The following HERC2 variants were observed in gnomAD, a reference collection of about 807,000 sequenced individuals.
HERC2 encodes the protein HECT and RLD domain containing E3 ubiquitin protein ligase 2.
HERC2 carries 102 observed loss-of-function variants against 537.7 expected under a neutral mutation model. The observed-to-expected ratio is 0.19, with a 90% CI of 0.16 to 0.22. The LOEUF is 0.22. HERC2 is among the 10% of genes least tolerant of loss of function. The pLI is 1.00. For missense variants in HERC2, 4,236 were observed against 6,198.2 expected (o/e 0.68, Z 10.63); for synonymous variants, 2,224 against 2,466.2 (o/e 0.90, Z 2.91).
At chr15:28,217,018 G>A (rs1432484105) in intron 38 of HERC2, among the ~76,000 whole-genome samples, 2 of 151,866 alleles carry the variant, frequency 1.3e-5, no homozygotes, top group Non-Finnish European at 2.9e-5. Flanking sequence ...TCACTCACAC[G>A]CATTCACAAT....
At chr15:28,288,049 C>T (rs1180385675) in intron 4 of HERC2, among the ~76,000 whole-genome samples, 2 of 152,018 alleles carry the variant, frequency 1.3e-5, no homozygotes, top group South Asian at 2.1e-4. Flanking sequence ...ACATGAGAGG[C>T]CCAAGGTGAG....
chr15:28,235,127 C>T (rs551526850), intron 26 of HERC2, among the ~76,000 whole-genome samples: 50 of 151,934 alleles, frequency 3.3e-4, no homozygotes, highest in African/African-American at 1.1e-3. Flanking sequence ...GCAATCAAAG[C>T]GGGATGCACT....
chr15:28,112,129 T>C (rs1887709453), intron 92 of HERC2, 94 bp from the exon 93 acceptor site: 1 of 1,265,218 alleles, frequency 7.9e-7, no homozygotes, highest in Admixed American at 2.1e-5. Context: ...CAAAACCATA[T>C]TTTTTGCTAA....
chr15:28,135,573 G>A lies in HERC2; in HGVS notation c.12135C>T (p.Asn4045=), dbSNP rs766356166. 5.6e-6 allele frequency: 9 copies of A among 1,614,166 alleles called. No homozygotes were observed. The Admixed American group carries it at 1.5e-4, about 27-fold the overall frequency. Residue 4045 remains asparagine, a synonymous_variant, in exon 79 of 93, where the codon AAC becomes AAT. Coordinates refer to ENST00000261609, the MANE Select transcript of HERC2 (RefSeq NM_004667.6). ...QHVFIKKVAV[N]SGGKHCLALS... ...GGGCAAGGCAGTGCTTTCCTCCAGA[G>A]TTCACAGCTACTTTCTTAATAAACA... is the stretch of plus-strand genomic sequence containing the variant.
At chr15:28,257,430 T>C (rs1246555727) in intron 16 of HERC2, among the ~76,000 whole-genome samples, 169 bp from the exon 17 acceptor site, 1 of 148,838 alleles carries the variant, frequency 6.7e-6, no homozygotes, top group African/African-American at 2.6e-5. Flanking sequence ...ACTATCAGCT[T>C]CCGATTTTCC....
intron 38 of HERC2, among the ~76,000 whole-genome samples, chr15:28,216,313 A>ATT (rs201840469): frequency 8.8e-4 from 130 of 147,880 alleles, no homozygotes; most frequent in African/African-American, 2.7e-3. Context: ...CCACTTAAAT[A>ATT]TTTTTTTTTT....
rs1482098746 is a variant in HERC2, at chr15:28,115,333, G to A, written c.13722+96C>T. On this transcript the variant is annotated intron_variant, in intron 89 of 92. Transcript: ENST00000261609. ...AGCCTCTGCGTCACCTGGGCACTGA[G>A]ATTAGGCCAGAGTTCACAGCCTGAC... The A allele has an allele frequency of 8.6e-6, 6 of 699,156 alleles. No homozygotes were observed. The Admixed American group carries it at 1.1e-4, about 13-fold the overall frequency. The allele number at this position is 699,156 out of a possible 1,614,324, so 43.3% of individuals were successfully genotyped here.
rs899060010 is a variant in HERC2 at position 28,113,918 on chromosome 15, C to G, written c.13914-240G>C. Among the ~76,000 whole-genome samples the G allele has an allele frequency of 2.0e-5, 3 of 152,184 alleles. No homozygotes were observed. The highest frequency in any genetic ancestry group is 1.3e-4 in the Admixed American group (2 of 15,288). On this transcript the variant is annotated intron_variant, in intron 90 of 92. Transcript: ENST00000261609. This position sits in a 1 kb window ranked among gnomAD's most constrained non-coding sequence, Gnocchi z 7.0. ...TAATGACCACCTACAGCTATGCACA[C>G]CCCAAGACGCCACTCTCAGTACCCA...
intron 52 of HERC2, among the ~76,000 whole-genome samples, chr15:28,194,567 G>C (rs574674725): frequency 6.6e-6 from 1 of 151,366 alleles, no homozygotes; most frequent in Admixed American, 6.6e-5. Context: ...GCGAGACTCC[G>C]TCTCAAAAAA....
At position 28,214,752 on chromosome 15, in the gene HERC2, G is replaced by T; in HGVS notation, c.6261C>A (p.Thr2087=). The change falls in exon 40 of 93, where the codon ACC becomes ACA. Residue 2087 remains threonine, a synonymous_variant. Coordinates refer to ENST00000261609, the MANE Select transcript of HERC2 (RefSeq NM_004667.6). The part of the protein sequence containing the change: ...LQAVLPSWDK[T]ERARDMKCLV... The stretch of plus-strand genomic sequence containing the variant: ...GGCATTTCATGTCCCTCGCCCTTTC[G>T]GTCTTGTCCCATGATGGAAGGACTG... The T allele has an allele frequency of 6.2e-7, 1 of 1,611,570 alleles. No individual in the cohort carries two copies. Among genetic ancestry groups the T allele is most frequent in the Non-Finnish European group, 8.5e-7 (1 of 1,179,500 alleles).
chr15:28,233,490 T>C lies in HERC2; in HGVS notation c.4423A>G (p.Lys1475Glu), dbSNP rs764684477. The stretch of plus-strand genomic sequence containing the variant: ...ACTCTACAAACATCCACCACTGACT[T>C]AGGCAACGTTCTGTGCTTTACTTGC... ...IEQVKHRTLPKSVVDVCRVVY... is the reference protein window; with the variant it reads ...IEQVKHRTLPESVVDVCRVVY... The change falls in exon 29 of 93, where the codon AAG becomes GAG. Residue 1475 changes from lysine (K) to glutamate (E), a missense_variant. Physicochemically the swap from Lys to Glu is moderately conservative, Grantham distance 56. This residue lies in a region of HERC2 where 94 missense variants were observed against 174.9 expected (regional missense o/e 0.54). Coordinates refer to ENST00000261609, the MANE Select transcript of HERC2 (RefSeq NM_004667.6). The C allele has an allele frequency of 4.7e-6, 7 of 1,504,308 alleles. No homozygotes were observed. Among genetic ancestry groups the C allele is most frequent in the Non-Finnish European group, 6.5e-6 (7 of 1,080,336 alleles). 93.2% of individuals were successfully genotyped at this position (1,504,308 alleles called of 1,614,324 possible).
At chr15:28,258,128 G>C (rs990680028) in intron 16 of HERC2, among the ~76,000 whole-genome samples, 1 of 152,072 alleles carries the variant, frequency 6.6e-6, no homozygotes, top group African/African-American at 2.4e-5. Flanking sequence ...TAGAAATCAT[G>C]AACAGAACAA....
In HERC2 at chr15:28,178,939, C is replaced by T. The variant is rs148092853; in HGVS notation, c.9111G>A (p.Arg3037=). 7.2e-4 allele frequency: 1,158 copies of T among 1,614,154 alleles called. 11 individuals are homozygous for T. In the African/African-American group the frequency reaches 0.014, roughly 19 times the overall value. Residue 3037 remains arginine (R), a synonymous_variant, in exon 59 of 93, where the codon CGG becomes CGA. Coordinates refer to ENST00000261609, the MANE Select transcript of HERC2 (RefSeq NM_004667.6). ...CGTAGCTGCTGAGAGCTGTGATCTGCCGTGGGATGGGCACCGTCCCGCTGG... is the reference window on the plus strand; with the variant it reads ...CGTAGCTGCTGAGAGCTGTGATCTGTCGTGGGATGGGCACCGTCCCGCTGG... ...GISSGTVPIP[R]QITALSSYVV...
At chr15:28,127,197 G>T (rs1889592258) in intron 83 of HERC2, among the ~76,000 whole-genome samples, 1 of 152,208 alleles carries the variant, frequency 6.6e-6, no homozygotes, top group Non-Finnish European at 1.5e-5. Context: ...CCACGAGGCG[G>T]GTGTCGCACA....
intron 31 of HERC2, 78 bp downstream of exon 31, chr15:28,230,289 C>T (rs1901691741): frequency 1.4e-6 from 2 of 1,441,892 alleles, no homozygotes; most frequent in Non-Finnish European, 1.9e-6. Flanking sequence ...TCCAGATGCT[C>T]AGGACAAGAC....
At chr15:28,252,466 G>A (rs2075115940) in intron 20 of HERC2, among the ~76,000 whole-genome samples, 2 of 152,174 alleles carry the variant, frequency 1.3e-5, no homozygotes, top group Admixed American at 1.3e-4. Flanking sequence ...TCTGGAAAAT[G>A]CTCACTTTAA....
In HERC2 at chr15:28,233,419, A is replaced by T. The variant is rs746830956; in HGVS notation, c.4479+15T>A. On this transcript the variant is annotated intron_variant, in intron 29 of 92. Coordinates refer to ENST00000261609, the MANE Select transcript of HERC2 (RefSeq NM_004667.6). Reference sequence around the variant, plus strand: ...GTCTGCAAAGCACAGAATAAAAAGAATTAAAATCTATCACCTTAATGAGCG... The same window carrying T: ...GTCTGCAAAGCACAGAATAAAAAGATTTAAAATCTATCACCTTAATGAGCG... 1 of 1,322,780 alleles carries T rather than the reference A, an allele frequency of 7.6e-7. No homozygotes were observed. Among genetic ancestry groups the T allele is most frequent in the Non-Finnish European group, 1.1e-6 (1 of 918,848 alleles). 81.9% of individuals were successfully genotyped at this position (1,322,780 alleles called of 1,614,324 possible). A position where few individuals can be genotyped will look rare whatever the true frequency, so the allele number is the denominator to read the frequency against.
intron 20 of HERC2, among the ~76,000 whole-genome samples, chr15:28,253,945 GA>G (rs1219501611): frequency 6.6e-6 from 1 of 151,278 alleles, no homozygotes; most frequent in Non-Finnish European, 1.5e-5. Context: ...CTGGGCAATA[GA>G]GCGAGATTCC....
Position 28,268,445 on chromosome 15 carries a change from C to T in HERC2, c.1598+20G>A, listed in dbSNP as rs1462590633. ...ACATAAAAGGAGAGTGTGTCCCCTA[C>T]AGGAATAAGCGATACATACACAGTG... On this transcript the variant is annotated intron_variant, in intron 12 of 92. Coordinates refer to ENST00000261609, the MANE Select transcript of HERC2 (RefSeq NM_004667.6). This position sits in a 1 kb window ranked among gnomAD's most constrained non-coding sequence, Gnocchi z 4.7. 10 of 1,607,350 alleles carry T rather than the reference C, an allele frequency of 6.2e-6. No homozygotes were observed. Among genetic ancestry groups the T allele is most frequent in the Non-Finnish European group, 6.8e-6 (8 of 1,175,592 alleles).
Sources: allele counts gnomAD v4.1 joint callset (sites outside exome capture counted in the v4.1 genomes callset), GRCh38; gene constraint gnomAD v4.1.1; regional missense constraint gnomAD v4.1.1; non-coding constraint Gnocchi (gnomAD v3.1); transcripts MANE v1.5; gene names NCBI Gene and HGNC (gene_info 2026-07-23, HGNC 2026-07-21).